The following MRC2 variants were observed in gnomAD, a reference collection of about 807,000 sequenced individuals.
MRC2 encodes C-type mannose receptor 2.
A neutral mutation model predicts 206.2 loss-of-function variants in MRC2; 84 were observed. That is an observed-to-expected ratio of 0.41 (90% confidence interval 0.34 to 0.49). The LOEUF (loss-of-function observed/expected upper bound fraction) is 0.49. Among genes scored for constraint, MRC2 ranks in the 20% least tolerant of loss-of-function variants. The pLI is 0.31. For missense variants in MRC2, 1,676 were observed against 2,001.5 expected, an observed-to-expected ratio of 0.84 and a Z score of 3.10; for synonymous variants, 798 against 800.0, an observed-to-expected ratio of 1.00 and a Z score of 0.04.
In MRC2 at chr17:62,689,577, C is replaced by T. The variant is rs1453986374; in HGVS notation, c.3390C>T (p.Leu1130=). The T allele has an allele frequency of 6.2e-7, 1 of 1,602,648 alleles. No individual in the cohort carries two copies. The highest frequency in any genetic ancestry group is 1.1e-5 in the South Asian group (1 of 89,048). ...TGCCCCCCGCCCCGGGCACTGAGCTCTCCTACCTCAACGGCACCTTCCGGC... is the reference window on the plus strand; with the variant it reads ...TGCCCCCCGCCCCGGGCACTGAGCTTTCCTACCTCAACGGCACCTTCCGGC... The part of the protein sequence containing the change: ...AALPPAPGTE[L]SYLNGTFRLL... Residue 1130 remains leucine, a synonymous_variant, in exon 24 of 30, where the codon CTC becomes CTT. Transcript: ENST00000303375.
At chr17:62,645,331 T>C (rs1339540241) in intron 1 of MRC2, among the ~76,000 whole-genome samples, 1 of 151,640 alleles carries the variant, frequency 6.6e-6, no homozygotes, top group Non-Finnish European at 1.5e-5. Flanking sequence ...AGAGACAGGA[T>C]CACAGGAGCA....
intron 1 of MRC2, among the ~76,000 whole-genome samples, chr17:62,632,778 CCTCT>C (rs1160132380): frequency 6.6e-6 from 1 of 152,106 alleles, no homozygotes; most frequent in Non-Finnish European, 1.5e-5. Flanking sequence ...GGATGGGTGG[CCTCT>C]CTGTTTATCT....
intron 14 of MRC2, 37 bp downstream of exon 14, chr17:62,679,939 G>A (rs1385905276): frequency 1.9e-6 from 3 of 1,571,508 alleles, no homozygotes; most frequent in Admixed American, 3.6e-5. Context: ...TGCGAGGCCG[G>A]GAGCTTGGTG....
intron 23 of MRC2, among the ~76,000 whole-genome samples, chr17:62,689,216 C>A (rs1166956905): frequency 6.6e-6 from 1 of 152,176 alleles, no homozygotes; most frequent in Non-Finnish European, 1.5e-5. Context: ...GAAGTGCTGG[C>A]ACGTGTGGCG....
chr17:62,682,526 T>C (rs1814460488), intron 20 of MRC2, 149 bp downstream of exon 20: 2 of 897,774 alleles, frequency 2.2e-6, no homozygotes, highest in African/African-American at 3.4e-5. Flanking sequence ...CTGGCTCCAG[T>C]ACCAGGGCCA....
intron 1 of MRC2, among the ~76,000 whole-genome samples, chr17:62,658,922 G>A (rs2088649108): frequency 6.6e-6 from 1 of 152,182 alleles, no homozygotes; most frequent in Non-Finnish European, 1.5e-5. Context: ...TTTCTGGTGG[G>A]TGGCTGAAAG....
At chr17:62,669,541 A>T (rs901064252) in intron 6 of MRC2, among the ~76,000 whole-genome samples, 1 of 143,760 alleles carries the variant, frequency 7.0e-6, no homozygotes, top group African/African-American at 2.6e-5. Flanking sequence ...TTATTTATTT[A>T]TTTTTTGAAA....
Position 62,692,128 on chromosome 17 carries a change from C to T in MRC2, c.4209C>T (p.Phe1403=), listed in dbSNP as rs890636146. The change falls in exon 29 of 30, where the codon TTC becomes TTT. Residue 1403 remains phenylalanine (F), a synonymous_variant. Transcript: ENST00000303375. This position sits in a 1 kb window ranked among gnomAD's most constrained non-coding sequence, Gnocchi z 4.2. ...CKLPRAEQSS[F]SPSALPENPA... ...TGCCCACAGCTGAGCAGAGCAGCTT[C>T]TCCCCATCAGGTGAGTGAAAGGCAA... The T allele has an allele frequency of 2.5e-6, 4 of 1,614,122 alleles. No individual in the cohort carries two copies. The highest frequency in any genetic ancestry group is 1.1e-5 in the South Asian group (1 of 91,096).
chr17:62,663,776 G>A (rs1362359071), intron 1 of MRC2, among the ~76,000 whole-genome samples: 1 of 152,152 alleles, frequency 6.6e-6, no homozygotes, highest in Non-Finnish European at 1.5e-5. Context: ...AGTGCAAGGG[G>A]CAGGGGGAAG....
At position 62,692,163 on chromosome 17, in the gene MRC2, G is replaced by T. The variant is rs1174079657; in HGVS notation, c.4219+25G>T. On this transcript the variant is annotated intron_variant, in intron 29 of 29. Coordinates refer to ENST00000303375, the MANE Select transcript of MRC2 (RefSeq NM_006039.5). This position sits in a 1 kb window ranked among gnomAD's most constrained non-coding sequence, Gnocchi z 4.2. ...GGTGAGTGAAAGGCAATGCCCCCAGGTGGGCAGGCAGGAAGCACTGCTGGG... is the reference window on the plus strand; with the variant it reads ...GGTGAGTGAAAGGCAATGCCCCCAGTTGGGCAGGCAGGAAGCACTGCTGGG... 6.2e-7 allele frequency: 1 copy of T among 1,614,188 alleles called. No individual in the cohort carries two copies. The highest frequency in any genetic ancestry group is 1.7e-5 in the Admixed American group (1 of 60,034).
chr17:62,628,036 CGTGTGTGT>C, intron 1 of MRC2, 116 bp downstream of exon 1: 2 of 641,354 alleles, frequency 3.1e-6, no homozygotes, highest in Non-Finnish European at 4.7e-6. Context: ...AGCGTGTGTG[CGTGTGTGT>C]GTGACTGGGT....
At chr17:62,655,477 G>A (rs139075917) in intron 1 of MRC2, among the ~76,000 whole-genome samples, 1,873 of 152,204 alleles carry the variant, frequency 0.012, 30 homozygotes, top group African/African-American at 0.042. Context: ...TGGAGGAGGA[G>A]CTTGCAGTGA....
Position 62,628,028 on chromosome 17 carries a change from C to A in MRC2, c.118+108C>A. On this transcript the variant is annotated intron_variant, in intron 1 of 29. Coordinates refer to ENST00000303375, the MANE Select transcript of MRC2 (RefSeq NM_006039.5). ...TTTTCCCCCCTCTTTTCTCCAGAAG[C>A]GTGTGTGCGTGTGTGTGTGACTGGG... 6 of 652,368 alleles carry A rather than the reference C, an allele frequency of 9.2e-6. No individual in the cohort carries two copies. In the South Asian group the frequency reaches 1.6e-4, roughly 17 times the overall value. 40.4% of individuals were successfully genotyped at this position (652,368 alleles called of 1,614,324 possible).
rs1454354612 is a variant in MRC2, at chr17:62,678,716, C to A, written c.2195+70C>A. The A allele has an allele frequency of 1.1e-5, 17 of 1,567,048 alleles. No homozygotes were observed. The African/African-American group carries it at 2.1e-4, about 19-fold the overall frequency. On this transcript the variant is annotated intron_variant, in intron 13 of 29. Transcript: ENST00000303375. ...TGTAGGAGCAGGCATGGCCGACAGA[C>A]CCTTGGTTTTGTTGGGCGAGCAGGG...
rs2084179953 is a variant in MRC2 at position 62,627,789 on chromosome 17, C to T, written c.-14C>T. On this transcript the variant is annotated 5_prime_UTR_variant, in exon 1 of 30. Transcript: ENST00000303375. ...GCCCTCGGTCCCCGCGTCCACTGAG[C>T]GCCGCGCTCGGGGATGGGGCCCGGC... 2 of 1,416,178 alleles carry T rather than the reference C, an allele frequency of 1.4e-6. No individual in the cohort carries two copies. Among genetic ancestry groups the T allele is most frequent in the Middle Eastern group, 2.5e-4 (1 of 3,932 alleles). The allele number at this position is 1,416,178 out of a possible 1,614,324, so 87.7% of individuals were successfully genotyped here.
intron 1 of MRC2, among the ~76,000 whole-genome samples, chr17:62,658,402 C>G (rs2088642654): frequency 6.6e-6 from 1 of 152,120 alleles, no homozygotes; most frequent in Non-Finnish European, 1.5e-5. Context: ...GGAGGAGGGG[C>G]CTTGAAGCTG....
At position 62,680,355 on chromosome 17, in the gene MRC2, CG is replaced by C; in HGVS notation, c.2437+51del. The C allele has an allele frequency of 6.2e-7, 1 of 1,613,484 alleles. No individual in the cohort carries two copies. The highest frequency in any genetic ancestry group is 8.5e-7 in the Non-Finnish European group (1 of 1,179,638). ...GGACGCGGGATGGAGCGAAGGGTGG[CG>C]GGGCCAGGAATTCCAGGGAGGGTCT... is the stretch of plus-strand genomic sequence containing the variant. On this transcript the variant is annotated intron_variant, in intron 15 of 29. Transcript: ENST00000303375. This position sits in a 1 kb window ranked among gnomAD's most constrained non-coding sequence, Gnocchi z 4.8.
In MRC2 at chr17:62,688,486, T is replaced by G; in HGVS notation, c.3062-15T>G. On this transcript the variant is annotated splice_polypyrimidine_tract_variant and intron_variant, in intron 21 of 29. Transcript: ENST00000303375. ...TATAGCAGAGTCACTCACAACTGTCTTCTGGGGACCATAGCATTCATCACA... is the reference window on the plus strand; with the variant it reads ...TATAGCAGAGTCACTCACAACTGTCGTCTGGGGACCATAGCATTCATCACA... 6.2e-7 allele frequency: 1 copy of G among 1,614,208 alleles called. No homozygotes were observed. Among genetic ancestry groups the G allele is most frequent in the Non-Finnish European group, 8.5e-7 (1 of 1,180,028 alleles).
chr17:62,685,575 A>G (rs1195620202), intron 20 of MRC2, among the ~76,000 whole-genome samples: 6 of 152,048 alleles, frequency 3.9e-5, no homozygotes, highest in Admixed American at 3.9e-4. Flanking sequence ...CTCTGTCTCA[A>G]AAACTGCTGG....
Sources: allele counts gnomAD v4.1 joint callset (sites outside exome capture counted in the v4.1 genomes callset), GRCh38; gene constraint gnomAD v4.1.1; non-coding constraint Gnocchi (gnomAD v3.1); transcripts MANE v1.5; gene names NCBI Gene and HGNC (gene_info 2026-07-23, HGNC 2026-07-21).